ING3: variants seen among roughly 807,000 people sequenced by gnomAD.
The protein encoded by ING3 is inhibitor of growth protein 3.
ING3 carries 6 observed loss-of-function variants against 64.8 expected under a neutral mutation model. The observed-to-expected ratio is 0.09, with a 90% confidence interval of 0.05 to 0.18. ING3 has a LOEUF of 0.18. Among genes scored for constraint, ING3 ranks in the 10% least tolerant of loss-of-function variants. The pLI is 1.00. For synonymous variants in ING3, 170 were observed against 173.7 expected, an observed-to-expected ratio of 0.98 and a Z score of 0.17; for missense variants, 310 against 489.7, an observed-to-expected ratio of 0.63 and a Z score of 3.46.
intron 5 of ING3, among the ~76,000 whole-genome samples, chr7:120,966,129 C>T (rs1795993786): frequency 6.6e-6 from 1 of 152,156 alleles, no homozygotes; most frequent in Non-Finnish European, 1.5e-5. Context: ...TTCTATTCCT[C>T]ACTTTTTGCG....
At chr7:120,965,096 G>C (rs1349235569) in intron 5 of ING3, among the ~76,000 whole-genome samples, 1 of 152,128 alleles carries the variant, frequency 6.6e-6, no homozygotes, top group Non-Finnish European at 1.5e-5. Flanking sequence ...AAGTTGAGTG[G>C]TAAGAACAAA....
chr7:120,953,280 T>C (rs1795794770), intron 2 of ING3, 24 bp from the exon 3 acceptor site: 4 of 1,421,746 alleles, frequency 2.8e-6, no homozygotes, highest in African/African-American at 1.5e-5. Flanking sequence ...TCATTTAATA[T>C]GAATTTTTTT....
Position 120,976,735 on chromosome 7 carries a change from A to G in ING3, c.*1891A>G, listed in dbSNP as rs1438847117. The G allele has an allele frequency of 6.6e-6, 1 of 152,212 alleles. No homozygotes were observed. The highest frequency in any genetic ancestry group is 1.9e-4 in the East Asian group (1 of 5,200). 9.4% of individuals were successfully genotyped at this position (152,212 alleles called of 1,614,324 possible). A position where few individuals can be genotyped will look rare whatever the true frequency, so the allele number is the denominator to read the frequency against. ...GAGAAAGTTCTTTGTCTGAGTCAGG[A>G]ACATCCTGTTATCCAGCTGCTACAT... On this transcript the variant is annotated 3_prime_UTR_variant, in exon 12 of 12. Transcript: ENST00000315870.
At position 120,968,862 on chromosome 7, in the gene ING3, A is replaced by G. The variant is rs1412025813; in HGVS notation, c.715-149A>G. ...CTCCACCTCAAAAAAAAAAAAAAAA[A>G]AAAGCTTAAATTCCAGTGATGAAAA... On this transcript the variant is annotated intron_variant, in intron 8 of 11. Transcript: ENST00000315870. 3 of 557,014 alleles carry G rather than the reference A, an allele frequency of 5.4e-6. No homozygotes were observed. In the East Asian group the frequency reaches 1.0e-4, roughly 19 times the overall value. The allele number at this position is 557,014 out of a possible 1,614,324, so 34.5% of individuals were successfully genotyped here. A position where few individuals can be genotyped will look rare whatever the true frequency, so the allele number is the denominator to read the frequency against.
chr7:120,951,484 T>C (rs1795764853), intron 2 of ING3, among the ~76,000 whole-genome samples: 1 of 152,178 alleles, frequency 6.6e-6, no homozygotes, highest in African/African-American at 2.4e-5. Flanking sequence ...TGTGGGATTG[T>C]GCAAAAAATA....
At chr7:120,954,152 G>A (rs905235535) in intron 3 of ING3, among the ~76,000 whole-genome samples, 3 of 152,148 alleles carry the variant, frequency 2.0e-5, no homozygotes, top group African/African-American at 7.2e-5. Flanking sequence ...GAGGCCTGGC[G>A]TGGTGGCTCA....
intron 1 of ING3, 61 bp downstream of exon 1, chr7:120,950,985 T>C (rs1397349030): frequency 2.8e-6 from 4 of 1,438,250 alleles, no homozygotes; most frequent in Non-Finnish European, 3.8e-6. Context: ...AGAGCGCGAG[T>C]GGACGGGCAG....
intron 3 of ING3, 90 bp from the exon 4 acceptor site, chr7:120,955,469 G>C (rs540481615): frequency 4.7e-6 from 4 of 858,186 alleles, no homozygotes; most frequent in Non-Finnish European, 7.3e-6. Context: ...GTGATAACAA[G>C]ATATGATAAT....
intron 4 of ING3, among the ~76,000 whole-genome samples, chr7:120,961,472 A>T (rs1253038782): frequency 6.6e-6 from 1 of 152,230 alleles, no homozygotes; most frequent in Admixed American, 6.5e-5. Context: ...TATTGGAAGC[A>T]GTAGATCATG....
At position 120,968,111 on chromosome 7, in the gene ING3, G is replaced by T. The variant is rs2116682902; in HGVS notation, c.714+20G>T. On this transcript the variant is annotated intron_variant, in intron 8 of 11. Transcript: ENST00000315870. ...GCTCAGGTAAAAAGTAAAGGGTTTA[G>T]AGACAAAATGTTACATTTTGTCGGA... 1 of 1,599,806 alleles carries T rather than the reference G, an allele frequency of 6.3e-7. No homozygotes were observed.
At chr7:120,973,076 A>T in intron 10 of ING3, 129 bp from the exon 11 acceptor site, 2 of 401,168 alleles carry the variant, frequency 5.0e-6, no homozygotes, top group Non-Finnish European at 9.6e-6. Flanking sequence ...TTATACCTTG[A>T]TTCTCAATGT....
At chr7:120,972,238 A>G (rs77443867) in intron 10 of ING3, among the ~76,000 whole-genome samples, 4,872 of 152,134 alleles carry the variant, frequency 0.032, 131 homozygotes, top group Non-Finnish European at 0.044. Flanking sequence ...ATTGTCTTGT[A>G]TAATATTTTC....
rs139642346 is a variant in ING3, at chr7:120,970,821, A to C, written c.1042A>C (p.Asn348His). The C allele has an allele frequency of 5.0e-6, 8 of 1,613,766 alleles. No homozygotes were observed. The African/African-American group carries it at 1.1e-4, about 22-fold the overall frequency. The change falls in exon 10 of 12, where the codon AAT (asparagine) becomes CAT (histidine). Residue 348 changes from asparagine to histidine, a missense_variant. Coordinates refer to ENST00000315870, the MANE Select transcript of ING3 (RefSeq NM_019071.3). ...AACTGTAGTGCCAGAATCTGATTCA[A>C]ATAGTCAGGTTGATTGGACTTACGA... ...QTTVVPESDS[N>H]SQVDWTYDPN...
At chr7:120,954,742 CCT>C (rs1335643133) in intron 3 of ING3, among the ~76,000 whole-genome samples, 5 of 151,976 alleles carry the variant, frequency 3.3e-5, no homozygotes, top group South Asian at 2.1e-4. Context: ...CTTCTTTCCC[CCT>C]CTTTTTTAAA....
At chr7:120,965,310 T>C (rs1795983395) in intron 5 of ING3, among the ~76,000 whole-genome samples, 1 of 152,210 alleles carries the variant, frequency 6.6e-6, no homozygotes, top group South Asian at 2.1e-4. Context: ...CTTAAAGAAG[T>C]GTTTTCTTCT....
Position 120,967,523 on chromosome 7 carries a change from A to T in ING3, c.437-6A>T. 6.6e-7 allele frequency: 1 copy of T among 1,518,260 alleles called. No homozygotes were observed. The highest frequency in any genetic ancestry group is 1.2e-5 in the South Asian group (1 of 81,474). 94.0% of individuals were successfully genotyped at this position (1,518,260 alleles called of 1,614,324 possible). On this transcript the variant is annotated splice_region_variant and splice_polypyrimidine_tract_variant and intron_variant, in intron 6 of 11. Transcript: ENST00000315870. ...AAAAACACATGAATTTTTTATTTAT[A>T]TTTAGAAAGGAAATATAATCCAACT...
chr7:120,963,874 C>G (rs1254356363), intron 4 of ING3, among the ~76,000 whole-genome samples: 2 of 152,034 alleles, frequency 1.3e-5, no homozygotes, highest in East Asian at 3.8e-4. Context: ...TAGCAGTAAT[C>G]CAGTGGGAAA....
intron 4 of ING3, 142 bp downstream of exon 4, chr7:120,955,766 A>G: frequency 1.6e-6 from 1 of 631,354 alleles, no homozygotes; most frequent in Non-Finnish European, 2.8e-6. Context: ...TTGACATTTC[A>G]GTGTCCATTT....
chr7:120,953,219 G>C, intron 2 of ING3, 85 bp from the exon 3 acceptor site: 1 of 718,978 alleles, frequency 1.4e-6, no homozygotes, highest in East Asian at 2.9e-5. Flanking sequence ...TGTATTGTCA[G>C]ATTTTTTCCC....
Sources: allele counts gnomAD v4.1 joint callset (sites outside exome capture counted in the v4.1 genomes callset), GRCh38; gene constraint gnomAD v4.1.1; transcripts MANE v1.5; gene names NCBI Gene and HGNC (gene_info 2026-07-23, HGNC 2026-07-21).